The following SRC variants were observed in gnomAD, a reference collection of about 807,000 sequenced individuals.
SRC encodes the protein SRC proto-oncogene, non-receptor tyrosine kinase.
A neutral mutation model predicts 62.9 loss-of-function variants in SRC; 13 were observed. The observed-to-expected ratio is 0.21, with a 90% confidence interval of 0.13 to 0.33. SRC has a LOEUF of 0.33. SRC is among the 10% of genes least tolerant of loss of function. The probability of loss-of-function intolerance (pLI) is 1.00; values close to 1 mark genes in which losing one functional copy is unlikely to be tolerated. For synonymous variants in SRC, 302 were observed against 317.5 expected (o/e 0.95, Z 0.52); for missense variants, 457 against 737.3 (o/e 0.62, Z 4.40).
At chr20:37,383,872 C>T (rs1249686158) in intron 3 of SRC, among the ~76,000 whole-genome samples, 2 of 151,758 alleles carry the variant, frequency 1.3e-5, no homozygotes, top group Non-Finnish European at 2.9e-5. Context: ...GCTGGGACTA[C>T]AGGCGCGTGC....
At chr20:37,359,448 G>A (rs1312439532) in intron 1 of SRC, among the ~76,000 whole-genome samples, 1 of 152,234 alleles carries the variant, frequency 6.6e-6, no homozygotes, top group African/African-American at 2.4e-5. Context: ...TGGGCCTGCT[G>A]GTGGGCTCGT....
intron 2 of SRC, among the ~76,000 whole-genome samples, chr20:37,373,320 A>G (rs1378176584): frequency 2.6e-5 from 4 of 151,090 alleles, no homozygotes; most frequent in Non-Finnish European, 4.4e-5. Context: ...TTACATATGT[A>G]CACACATACA....
chr20:37,403,444 C>A lies in SRC; in HGVS notation c.*65C>A. 2 of 1,479,332 alleles carry A rather than the reference C, an allele frequency of 1.4e-6. No individual in the cohort carries two copies. The highest frequency in any genetic ancestry group is 1.8e-6 in the Non-Finnish European group (2 of 1,102,630). 91.6% of individuals were successfully genotyped at this position (1,479,332 alleles called of 1,614,324 possible). On this transcript the variant is annotated 3_prime_UTR_variant, in exon 14 of 14. Coordinates refer to ENST00000373578, the MANE Select transcript of SRC (RefSeq NM_198291.3). This position sits in a 1 kb window ranked among gnomAD's most constrained non-coding sequence, Gnocchi z 7.1. Reference sequence around the variant, plus strand: ...GGGCTGGGTGGCCCCTGTCTCGGGGCTTGCCCCACTCTGCCTGCCTGCTGT... The same window carrying A: ...GGGCTGGGTGGCCCCTGTCTCGGGGATTGCCCCACTCTGCCTGCCTGCTGT...
chr20:37,355,436 G>A lies in SRC; in HGVS notation c.-247+9181G>A, dbSNP rs190063543. Among the ~76,000 whole-genome samples, 760 of 152,260 alleles carry A rather than the reference G, an allele frequency of 5.0e-3. 1 individual carries two copies. The highest frequency in any genetic ancestry group is 0.017 in the African/African-American group (726 of 41,538). ...CATACCTTAGAGCTGTGGGCATCGC[G>A]GGCAAAATAGGACTCAGTGCTGCCA... is the stretch of plus-strand genomic sequence containing the variant. On this transcript the variant is annotated intron_variant, in intron 1 of 13. Transcript: ENST00000373578.
rs3762207 is a variant in SRC, at chr20:37,354,592, G to C, written c.-247+8337G>C. On this transcript the variant is annotated intron_variant, in intron 1 of 13. Transcript: ENST00000373578. ...TAGAAGCCACCCTAGGCAGGGGCAG[G>C]GGCAGGGGCCGGGGAGGTGAGGTCT... is the stretch of plus-strand genomic sequence containing the variant. 7.2e-3 allele frequency among the ~76,000 whole-genome samples: 1,089 copies of C among 152,292 alleles called. 68 individuals are homozygous for C. The East Asian group carries it at 0.15, about 21-fold the overall frequency.
At chr20:37,386,665 CA>C (rs2070460687) in intron 5 of SRC, among the ~76,000 whole-genome samples, 1 of 152,196 alleles carries the variant, frequency 6.6e-6, no homozygotes, top group South Asian at 2.1e-4. Context: ...AGGCTGCGAT[CA>C]GGGGCCCTTC....
At chr20:37,373,165 T>TATACACACGCACAC (rs2070202863) in intron 2 of SRC, among the ~76,000 whole-genome samples, 2 of 151,284 alleles carry the variant, frequency 1.3e-5, no homozygotes, top group African/African-American at 4.9e-5. Context: ...CATACACACA[T>TATACACACGCACAC]ATATGTACAC....
rs748270356 is a variant in SRC, at chr20:37,403,248, C to T, written c.1480C>T (p.Leu494=). ...CTGCCCGCCGGAGTGTCCCGAGTCC[C>T]TGCACGACCTCATGTGCCAGTGCTG... is the stretch of plus-strand genomic sequence containing the variant. ...MPCPPECPES[L]HDLMCQCWRK... The change falls in exon 14 of 14, where the codon CTG becomes TTG. Residue 494 remains leucine (L), a synonymous_variant. Coordinates refer to ENST00000373578, the MANE Select transcript of SRC (RefSeq NM_198291.3). This position sits in a 1 kb window ranked among gnomAD's most constrained non-coding sequence, Gnocchi z 7.1. 1 of 1,589,720 alleles carries T rather than the reference C, an allele frequency of 6.3e-7. No homozygotes were observed. Among genetic ancestry groups the T allele is most frequent in the East Asian group, 2.3e-5 (1 of 43,814 alleles).
intron 1 of SRC, among the ~76,000 whole-genome samples, chr20:37,359,681 C>A (rs933854055): frequency 6.6e-6 from 1 of 151,990 alleles, no homozygotes; most frequent in Non-Finnish European, 1.5e-5. Context: ...GAGAGGAGGG[C>A]GGATCAGGGA....
At position 37,402,339 on chromosome 20, in the gene SRC, G is replaced by C; in HGVS notation, c.1117-96G>C. 6.8e-7 allele frequency: 1 copy of C among 1,470,882 alleles called. No homozygotes were observed. The highest frequency in any genetic ancestry group is 9.2e-7 in the Non-Finnish European group (1 of 1,084,244). The allele number at this position is 1,470,882 out of a possible 1,614,324, so 91.1% of individuals were successfully genotyped here. A position where few individuals can be genotyped will look rare whatever the true frequency, so the allele number is the denominator to read the frequency against. On this transcript the variant is annotated intron_variant, in intron 11 of 13. Coordinates refer to ENST00000373578, the MANE Select transcript of SRC (RefSeq NM_198291.3). The surrounding 1 kb of genome is among the most constrained non-coding windows in gnomAD (Gnocchi z 6.2). The stretch of plus-strand genomic sequence containing the variant: ...TGCCTGAAGAAGTGTGGGGAGGGTG[G>C]GGAAGGGGTGGTTGGCTCTCCAGCC...
At chr20:37,368,518 CTT>C (rs1352624429) in intron 2 of SRC, among the ~76,000 whole-genome samples, 301 of 73,854 alleles carry the variant, frequency 4.1e-3, no homozygotes, top group Middle Eastern at 0.015. Flanking sequence ...CCTATATTTT[CTT>C]TTTTTTTTTT....
At position 37,400,144 on chromosome 20, in the gene SRC, A is replaced by G. The variant is rs1168068913; in HGVS notation, c.889A>G (p.Ile297Val). ...GTWNGTTRVA[I>V]KTLKPGTMSP... ...CTGGAACGGTACCACCAGGGTGGCC[A>G]TCAAAACCCTGAAGCCTGGCACGAT... is the stretch of plus-strand genomic sequence containing the variant. Residue 297 changes from isoleucine to valine, a missense_variant, in exon 10 of 14, where the codon ATC becomes GTC. Transcript: ENST00000373578. The G allele has an allele frequency of 6.2e-7, 1 of 1,612,412 alleles. No individual in the cohort carries two copies. The highest frequency in any genetic ancestry group is 1.1e-5 in the South Asian group (1 of 90,880).
Position 37,403,373 on chromosome 20 carries a change from C to T in SRC, c.1605C>T (p.Asn535=), listed in dbSNP as rs752618297. 6 of 1,599,950 alleles carry T rather than the reference C, an allele frequency of 3.8e-6. No homozygotes were observed. Among genetic ancestry groups the T allele is most frequent in the East Asian group, 4.5e-5 (2 of 44,516 alleles). ...STEPQYQPGE[N]L ...AGCCCCAGTACCAGCCCGGGGAGAA[C>T]CTCTAGGCACAGGCGGGCCCAGACC... The change falls in exon 14 of 14, where the codon AAC becomes AAT. Residue 535 remains asparagine (N), a synonymous_variant. Coordinates refer to ENST00000373578, the MANE Select transcript of SRC (RefSeq NM_198291.3). The surrounding 1 kb of genome is among the most constrained non-coding windows in gnomAD (Gnocchi z 7.1).
intron 2 of SRC, among the ~76,000 whole-genome samples, chr20:37,377,933 T>C (rs1210382655): frequency 6.6e-6 from 1 of 151,984 alleles, no homozygotes; most frequent in Non-Finnish European, 1.5e-5. Flanking sequence ...ATGGGGTACA[T>C]GAGATATCTT....
At chr20:37,378,554 T>G (rs542257124) in intron 2 of SRC, among the ~76,000 whole-genome samples, 195 of 152,310 alleles carry the variant, frequency 1.3e-3, no homozygotes, top group Non-Finnish European at 2.3e-3. Context: ...TTCTTTTCAC[T>G]GAAACAGTGT....
At chr20:37,373,397 GTATATATACGCATATATACGCATA>G (rs1379297758) in intron 2 of SRC, among the ~76,000 whole-genome samples, 1 of 151,180 alleles carries the variant, frequency 6.6e-6, no homozygotes, top group South Asian at 2.1e-4. Flanking sequence ...ACATATATGC[GTATATATACGCATATATACGCATA>G]TATGCGTGTA....
chr20:37,371,519 G>A (rs2070165476), intron 2 of SRC, among the ~76,000 whole-genome samples: 1 of 151,920 alleles, frequency 6.6e-6, no homozygotes, highest in African/African-American at 2.4e-5. Context: ...TCTTTTCAAA[G>A]AATCACCTCT....
chr20:37,346,724 G>A (rs2146872762), intron 1 of SRC, among the ~76,000 whole-genome samples: 1 of 152,300 alleles, frequency 6.6e-6, no homozygotes, highest in Non-Finnish European at 1.5e-5. Context: ...CAGGGCGCCA[G>A]GCCGAACTGC....
chr20:37,390,388 CTTTTTT>C (rs562064689), intron 5 of SRC, among the ~76,000 whole-genome samples: 6 of 85,658 alleles, frequency 7.0e-5, no homozygotes, highest in Admixed American at 1.2e-4. Context: ...TCTGATCTGG[CTTTTTT>C]TTTTTTTTTT....
Sources: gnomAD v4.1 joint callset for allele counts (sites outside exome capture counted in the v4.1 genomes callset) on GRCh38, gnomAD v4.1.1 for gene constraint, Gnocchi (gnomAD v3.1) non-coding constraint, MANE v1.5 for transcripts, NCBI Gene and HGNC (gene_info 2026-07-23, HGNC 2026-07-21) for gene names.